SMG1: variants seen among roughly 807,000 people sequenced by gnomAD.
SMG1 encodes the protein SMG1 nonsense mediated mRNA decay associated PI3K related kinase, also known as serine/threonine-protein kinase SMG1.
Under a neutral mutation model 419.9 loss-of-function variants are expected in SMG1, and 22 were observed. The ratio of observed to expected loss-of-function variants is 0.05; its 90% CI spans 0.04 to 0.07. The LOEUF is 0.07. Ranked by LOEUF, SMG1 falls within the 10% of genes least tolerant of loss-of-function variation. SMG1 has a pLI of 1.00. For synonymous variants in SMG1, 1,538 were observed against 1,553.5 expected, an observed-to-expected ratio of 0.99 and a Z score of 0.23; for missense variants, 3,185 against 4,342.0, an observed-to-expected ratio of 0.73 and a Z score of 7.49.
intron 1 of SMG1, 60 bp from the exon 2 acceptor site, chr16:18,897,016 A>C: frequency 8.0e-7 from 1 of 1,246,500 alleles, no homozygotes; most frequent in South Asian, 1.4e-5. Context: ...ATATTTCTTT[A>C]TACAAGCCTC....
chr16:18,842,505 T>C (rs771589202), intron 39 of SMG1, 51 bp from the exon 40 acceptor site: 65 of 1,562,292 alleles, frequency 4.2e-5, no homozygotes, highest in Non-Finnish European at 5.1e-5. Flanking sequence ...AGAACACTTA[T>C]TTTCTTCCAC....
chr16:18,815,984 G>T lies in SMG1; in HGVS notation c.10302+318C>A. 8.8e-6 allele frequency: 4 copies of T among 456,384 alleles called. No individual in the cohort carries two copies. In the South Asian group the frequency reaches 1.1e-4, roughly 12 times the overall value. 28.3% of individuals were successfully genotyped at this position (456,384 alleles called of 1,614,324 possible). A position where few individuals can be genotyped will look rare whatever the true frequency, so the allele number is the denominator to read the frequency against. ...GGAGGCAAACTGTATGGGTTTGTTGGTATAGCTAAGAAAGAGAAAGACAAG... is the reference window on the plus strand; with the variant it reads ...GGAGGCAAACTGTATGGGTTTGTTGTTATAGCTAAGAAAGAGAAAGACAAG... On this transcript the variant is annotated intron_variant, in intron 58 of 62. Transcript: ENST00000446231.
intron 44 of SMG1, 24 bp downstream of exon 44, chr16:18,838,333 A>G: frequency 6.2e-7 from 1 of 1,605,210 alleles, no homozygotes; most frequent in Non-Finnish European, 8.5e-7. Context: ...AATACACTAA[A>G]AGGGAGAAGA....
chr16:18,828,256 G>A lies in SMG1; in HGVS notation c.9604-88C>T, dbSNP rs915694436. ...AAGGGAGGCGCAACCTAGGACTGGCGGAAGAGAAAAAAATCCCAGCTGCAG... is the reference window on the plus strand; with the variant it reads ...AAGGGAGGCGCAACCTAGGACTGGCAGAAGAGAAAAAAATCCCAGCTGCAG... On this transcript the variant is annotated intron_variant, in intron 54 of 62. Coordinates refer to ENST00000446231, the MANE Select transcript of SMG1 (RefSeq NM_015092.5). The A allele has an allele frequency of 2.3e-5, 31 of 1,334,246 alleles. No individual in the cohort carries two copies. The South Asian group carries it at 2.8e-4, about 12-fold the overall frequency. The allele number at this position is 1,334,246 out of a possible 1,614,324, so 82.7% of individuals were successfully genotyped here. A position where few individuals can be genotyped will look rare whatever the true frequency, so the allele number is the denominator to read the frequency against.
At chr16:18,925,898 G>A in intron 1 of SMG1, 52 bp downstream of exon 1, 3 of 1,411,004 alleles carry the variant, frequency 2.1e-6, no homozygotes, top group Non-Finnish European at 2.9e-6. Context: ...GCCTCGGCCC[G>A]CCCGAGGCGG....
intron 31 of SMG1, 28 bp downstream of exon 31, chr16:18,853,555 T>C (rs1218142293): frequency 1.4e-6 from 2 of 1,478,344 alleles, no homozygotes; most frequent in Non-Finnish European, 9.0e-7. Context: ...CTAAAATTAA[T>C]ATTCTAAAGC....
chr16:18,890,799 T>A lies in SMG1; in HGVS notation c.608+64A>T, dbSNP rs576635172. ...CCAGTGGGTTTGTCTTCTTGTGTAT[T>A]GTTAAGTAATTTCTAAAAATATATT... On this transcript the variant is annotated intron_variant, in intron 5 of 62. Transcript: ENST00000446231. The A allele has an allele frequency of 4.1e-5, 36 of 872,904 alleles. No homozygotes were observed. In the African/African-American group the frequency reaches 5.7e-4, roughly 14 times the overall value. The allele number at this position is 872,904 out of a possible 1,614,324, so 54.1% of individuals were successfully genotyped here. A position where few individuals can be genotyped will look rare whatever the true frequency, so the allele number is the denominator to read the frequency against.
intron 13 of SMG1, 138 bp from the exon 14 acceptor site, chr16:18,872,762 C>G (rs577401401): frequency 1.3e-6 from 1 of 751,688 alleles, no homozygotes; most frequent in Non-Finnish European, 2.1e-6. Flanking sequence ...GTACACTAAA[C>G]CTGGGACAAA....
chr16:18,808,919 T>C lies in SMG1; in HGVS notation c.*650A>G, dbSNP rs1312102909. The C allele has an allele frequency of 6.6e-6, 1 of 151,744 alleles. No homozygotes were observed. Among genetic ancestry groups the C allele is most frequent in the Non-Finnish European group, 1.5e-5 (1 of 67,826 alleles). The allele number at this position is 151,744 out of a possible 1,614,324, so 9.4% of individuals were successfully genotyped here. On this transcript the variant is annotated 3_prime_UTR_variant, in exon 63 of 63. Transcript: ENST00000446231. ...GGAACGGGTAAGTGGTGGGGAGGAG[T>C]AGGGAACGATGGGGTGGTTTTTTTC...
At chr16:18,830,470 C>G in intron 51 of SMG1, 101 bp from the exon 52 acceptor site, 1 of 1,294,802 alleles carries the variant, frequency 7.7e-7, no homozygotes, top group Admixed American at 2.3e-5. Context: ...CTGTGAGAGT[C>G]TAGAAAGCCT....
chr16:18,876,040 T>C (rs1308398554), intron 13 of SMG1, 84 bp downstream of exon 13: 32 of 1,441,300 alleles, frequency 2.2e-5, no homozygotes, highest in Non-Finnish European at 2.5e-5. Context: ...GCAGACATCT[T>C]GACATGACAG....
At chr16:18,884,912 T>C (rs1339072836) in intron 8 of SMG1, 178 bp downstream of exon 8, 3 of 598,842 alleles carry the variant, frequency 5.0e-6, no homozygotes, top group South Asian at 2.0e-5. Context: ...ACCCACCTAC[T>C]AGTAATTTCC....
intron 10 of SMG1, among the ~76,000 whole-genome samples, chr16:18,881,545 G>A (rs1048171961): frequency 1.3e-5 from 2 of 152,116 alleles, no homozygotes; most frequent in African/African-American, 4.8e-5. Context: ...AATCTTTTAT[G>A]ACTATATCAC....
rs116597198 is a variant in SMG1, at chr16:18,818,522, C to T, written c.9894+980G>A. Among the ~76,000 whole-genome samples, 1,366 of 152,248 alleles carry T rather than the reference C, an allele frequency of 9.0e-3. 16 individuals carry two copies. The highest frequency in any genetic ancestry group is 0.027 in the African/African-American group (1,133 of 41,538). ...AGCTAGAGCTAAAGGGACATACCAC[C>T]ATGCCCAGCTATGATACATTCTTAA... On this transcript the variant is annotated intron_variant, in intron 56 of 62. Transcript: ENST00000446231.
intron 30 of SMG1, among the ~76,000 whole-genome samples, chr16:18,854,249 C>T (rs1371652845): frequency 6.6e-6 from 1 of 151,738 alleles, no homozygotes; most frequent in African/African-American, 2.4e-5. Flanking sequence ...ACCACACCCC[C>T]CTAATTTCTT....
chr16:18,908,316 G>C (rs3892603), intron 1 of SMG1, among the ~76,000 whole-genome samples: 14,189 of 148,872 alleles, frequency 0.095, 730 homozygotes, highest in Middle Eastern at 0.18. Context: ...AGTGAGCCGA[G>C]AGCTCACCAC....
intron 49 of SMG1, 107 bp from the exon 50 acceptor site, chr16:18,834,545 G>C: frequency 9.4e-7 from 1 of 1,068,468 alleles, no homozygotes; most frequent in Non-Finnish European, 1.3e-6. Context: ...GGGAGGCCGA[G>C]GCAGGTAGAT....
At chr16:18,858,911 C>T in intron 28 of SMG1, 111 bp downstream of exon 28, 1 of 792,392 alleles carries the variant, frequency 1.3e-6, no homozygotes, top group Non-Finnish European at 1.9e-6. Context: ...TCTGGATCTA[C>T]TAGCTTGCCC....
At chr16:18,913,819 G>T (rs1488108390) in intron 1 of SMG1, among the ~76,000 whole-genome samples, 1 of 151,938 alleles carries the variant, frequency 6.6e-6, no homozygotes, top group Non-Finnish European at 1.5e-5. Context: ...AACAAAGAAT[G>T]AGCATAACTT....
Sources: allele counts gnomAD v4.1 joint callset (sites outside exome capture counted in the v4.1 genomes callset), GRCh38; gene constraint gnomAD v4.1.1; transcripts MANE v1.5; gene names NCBI Gene and HGNC (gene_info 2026-07-23, HGNC 2026-07-21).